PANK2: variants seen among roughly 807,000 people sequenced by gnomAD.
The protein encoded by PANK2 is pantothenate kinase 2, also known as pantothenate kinase 2, mitochondrial.
In PANK2, 36 loss-of-function variants were observed where a neutral mutation model predicts 43.1. That is an observed-to-expected ratio of 0.84 (90% CI 0.64 to 1.10). The LOEUF is 1.10. Ranked by LOEUF, PANK2 falls within the 50% of genes least tolerant of loss-of-function variation. The pLI is 0.00. For missense variants in PANK2, 576 were observed against 593.3 expected (o/e 0.97, Z 0.30); for synonymous variants, 281 against 238.2 (o/e 1.18, Z -1.66).
chr20:3,913,468 T>C (rs193259503), intron 4 of PANK2, among the ~76,000 whole-genome samples: 1,595 of 151,180 alleles, frequency 0.011, 30 homozygotes, highest in African/African-American at 0.036. Context: ...CTCAGCCTCC[T>C]GAGTAGCTGG....
In PANK2 at chr20:3,925,258, A is replaced by G. The variant is rs2090703344; in HGVS notation, c.*1964A>G. The G allele has an allele frequency of 1.3e-5, 2 of 152,414 alleles. No individual in the cohort carries two copies. Among genetic ancestry groups the G allele is most frequent in the African/African-American group, 2.4e-5 (1 of 41,452 alleles). 9.4% of individuals were successfully genotyped at this position (152,414 alleles called of 1,614,324 possible). On this transcript the variant is annotated 3_prime_UTR_variant, in exon 7 of 7. Transcript: ENST00000610179. ...GTCACTCCACAGCAGGGTTTTTGAG[A>G]CAGTCTCGCTGTGTCACCCAGGTGG... is the stretch of plus-strand genomic sequence containing the variant.
At chr20:3,896,118 G>A (rs2090202889) in intron 1 of PANK2, among the ~76,000 whole-genome samples, 1 of 151,404 alleles carries the variant, frequency 6.6e-6, no homozygotes. Context: ...CTGGAGTGCA[G>A]TGGTGCGATC....
intron 1 of PANK2, among the ~76,000 whole-genome samples, chr20:3,897,877 A>C (rs966438535): frequency 7.3e-5 from 11 of 151,050 alleles, no homozygotes; most frequent in African/African-American, 2.7e-4. Context: ...TGGTGGTACG[A>C]GCCTGTAATC....
chr20:3,900,944 T>C (rs1044094868), intron 1 of PANK2, among the ~76,000 whole-genome samples: 1 of 151,836 alleles, frequency 6.6e-6, no homozygotes, highest in Non-Finnish European at 1.5e-5. Flanking sequence ...AATTTTTCTA[T>C]TTTTAGTAGA....
At chr20:3,922,307 G>A (rs2090659042) in intron 6 of PANK2, among the ~76,000 whole-genome samples, 1 of 152,110 alleles carries the variant, frequency 6.6e-6, no homozygotes, top group Admixed American at 6.6e-5. Context: ...GTCATTATGG[G>A]GTTTGCCCCG....
intron 6 of PANK2, chr20:3,921,368 A>G (rs944847704): frequency 4.6e-5 from 7 of 152,276 alleles, no homozygotes; most frequent in Admixed American, 3.3e-4. Context: ...AGCTTCGTAT[A>G]GATTCTCTCA....
At chr20:3,888,865 G>T, upstream of PANK2, 1 of 484,782 alleles carries the variant, frequency 2.1e-6, no homozygotes, top group South Asian at 3.8e-5. Flanking sequence ...TGGCGGCCTC[G>T]ACGGCAGCTG....
chr20:3,889,686 G>A lies in PANK2; in HGVS notation c.256G>A (p.Val86Ile), dbSNP rs2090082003. The A allele has an allele frequency of 3.8e-6, 6 of 1,594,586 alleles. No individual in the cohort carries two copies. The highest frequency in any genetic ancestry group is 5.1e-6 in the Non-Finnish European group (6 of 1,178,510). Residue 86 changes from valine (V) to isoleucine (I), a missense_variant, in exon 1 of 7, where the codon GTC (valine) becomes ATC (isoleucine). By Grantham distance (29) the Val-to-Ile change is conservative (BLOSUM62 3). Around this residue, in one of 2 missense-constraint regions of PANK2, gnomAD observed 544 missense variants for 528.9 expected, o/e 1.03. Coordinates refer to ENST00000610179, the MANE Select transcript of PANK2 (RefSeq NM_001386393.1). ...GGGCTCTTACAGCGGCCCCACCTCG[G>A]TCTCCCGCCAGCGCGTCGAAAGCCT...
chr20:3,913,956 T>A (rs925059547), intron 4 of PANK2, among the ~76,000 whole-genome samples: 3 of 151,406 alleles, frequency 2.0e-5, no homozygotes, highest in African/African-American at 2.4e-5. Flanking sequence ...GCCCGGCTAT[T>A]TTTTTTGTAT....
At chr20:3,890,044 A>T in intron 1 of PANK2, 1 of 847,962 alleles carries the variant, frequency 1.2e-6, no homozygotes, top group African/African-American at 1.8e-5. Flanking sequence ...TATCCTCGAG[A>T]AGGCTTCTTT....
At chr20:3,910,199 GGTTTCTGA>G (rs2090446214) in intron 2 of PANK2, among the ~76,000 whole-genome samples, 1 of 152,094 alleles carries the variant, frequency 6.6e-6, no homozygotes, top group African/African-American at 2.4e-5. Flanking sequence ...GTCACAAGGT[GGTTTCTGA>G]TAGTGCTGTG....
At chr20:3,922,101 AAGAT>A (rs1379586143) in intron 6 of PANK2, among the ~76,000 whole-genome samples, 1 of 152,232 alleles carries the variant, frequency 6.6e-6, no homozygotes, top group African/African-American at 2.4e-5. Context: ...CTTTTCGTGA[AAGAT>A]AGAGTGGTAG....
chr20:3,926,404 C>G lies in PANK2; in HGVS notation c.*3110C>G, dbSNP rs1205910904. On this transcript the variant is annotated 3_prime_UTR_variant, in exon 7 of 7. Transcript: ENST00000610179. ...TCAGGGGACTGAGAAGAGGAGCTCT[C>G]TAGGCATCTGAATTGAGGTTGCCCA... The G allele has an allele frequency of 6.6e-6, 1 of 152,168 alleles. No individual in the cohort carries two copies. The highest frequency in any genetic ancestry group is 1.5e-5 in the Non-Finnish European group (1 of 68,086). The allele number at this position is 152,168 out of a possible 1,614,324, so 9.4% of individuals were successfully genotyped here.
At chr20:3,911,845 G>A (rs767176152) in intron 3 of PANK2, among the ~76,000 whole-genome samples, 2 of 151,882 alleles carry the variant, frequency 1.3e-5, no homozygotes, top group Non-Finnish European at 2.9e-5. Flanking sequence ...AGCCGAGATC[G>A]TGCCATTGTA....
chr20:3,916,917 C>T lies in PANK2; in HGVS notation c.1083-10C>T, dbSNP rs1442070301. 6.2e-7 allele frequency: 1 copy of T among 1,613,706 alleles called. No homozygotes were observed. The highest frequency in any genetic ancestry group is 2.2e-5 in the East Asian group (1 of 44,876). ...GGTTTAGCAATGGGATTTTTTTTCC[C>T]CCATCACAGCTTTGGAAACATGATG... is the stretch of plus-strand genomic sequence containing the variant. On this transcript the variant is annotated splice_polypyrimidine_tract_variant and intron_variant, in intron 4 of 6. Coordinates refer to ENST00000610179, the MANE Select transcript of PANK2 (RefSeq NM_001386393.1).
chr20:3,899,800 C>T (rs371041671), intron 1 of PANK2, among the ~76,000 whole-genome samples: 84 of 150,192 alleles, frequency 5.6e-4, no homozygotes, highest in African/African-American at 2.0e-3. Context: ...CTCCGCCTCC[C>T]GGCTTCACAC....
intron 4 of PANK2, among the ~76,000 whole-genome samples, chr20:3,914,095 T>G (rs2090521887): frequency 6.6e-6 from 1 of 151,734 alleles, no homozygotes; most frequent in African/African-American, 2.4e-5. Context: ...GGCCTGCACA[T>G]ATATTTCTAA....
At chr20:3,922,443 G>T (rs2090661113) in intron 6 of PANK2, among the ~76,000 whole-genome samples, 1 of 152,212 alleles carries the variant, frequency 6.6e-6, no homozygotes, top group African/African-American at 2.4e-5. Flanking sequence ...CAGGAGGGCT[G>T]AGGGCTGCCC....
rs71647860 is a variant in PANK2 at position 3,923,512 on chromosome 20, A to G, written c.*218A>G. 3.0e-3 allele frequency: 1,783 copies of G among 593,378 alleles called. 31 individuals are homozygous for G. In the African/African-American group the frequency reaches 0.03, roughly 10 times the overall value. The allele number at this position is 593,378 out of a possible 1,614,324, so 36.8% of individuals were successfully genotyped here. On this transcript the variant is annotated 3_prime_UTR_variant, in exon 7 of 7. Transcript: ENST00000610179. ...ATTAAAAACAACAAAAAAGTGGCACATGTCCAGGCAGTGTGAGGATTTGCT... is the reference window on the plus strand; with the variant it reads ...ATTAAAAACAACAAAAAAGTGGCACGTGTCCAGGCAGTGTGAGGATTTGCT...
Sources: gnomAD v4.1 joint callset for allele counts (sites outside exome capture counted in the v4.1 genomes callset) on GRCh38, gnomAD v4.1.1 for gene constraint, gnomAD v4.1.1 regional missense constraint, MANE v1.5 for transcripts, NCBI Gene and HGNC (gene_info 2026-07-23, HGNC 2026-07-21) for gene names.